Variants in NR3C1 observed in about 807,000 individuals in gnomAD.
The protein encoded by NR3C1 is nuclear receptor subfamily 3 group C member 1.
NR3C1 carries 14 observed loss-of-function variants against 74.0 expected under a neutral mutation model. The observed-to-expected ratio is 0.19, with a 90% CI of 0.12 to 0.30. The LOEUF is 0.30. NR3C1 is among the 10% of genes least tolerant of loss of function. The pLI is 1.00. For missense variants in NR3C1, 695 were observed against 909.8 expected, an observed-to-expected ratio of 0.76 and a Z score of 3.04; for synonymous variants, 308 against 332.5, an observed-to-expected ratio of 0.93 and a Z score of 0.80.
intron 2 of NR3C1, among the ~76,000 whole-genome samples, chr5:143,328,858 C>A (rs533704733): frequency 3.3e-5 from 5 of 152,184 alleles, no homozygotes; most frequent in Admixed American, 6.5e-5. Context: ...TCATTGTCCA[C>A]GTCACTATCA....
chr5:143,372,275 C>A (rs1297357281), intron 2 of NR3C1, among the ~76,000 whole-genome samples: 1 of 152,126 alleles, frequency 6.6e-6, no homozygotes, highest in East Asian at 1.9e-4. Context: ...TTTGACATAT[C>A]TGAATTGCCA....
intron 4 of NR3C1, among the ~76,000 whole-genome samples, chr5:143,305,864 A>G (rs1411844862): frequency 6.6e-6 from 1 of 152,210 alleles, no homozygotes; most frequent in South Asian, 2.1e-4. Context: ...AAACCTGTAC[A>G]TGTACCCCTA....
intron 2 of NR3C1, among the ~76,000 whole-genome samples, chr5:143,355,624 T>C (rs562252549): frequency 2.4e-4 from 37 of 152,270 alleles, no homozygotes; most frequent in African/African-American, 8.7e-4. Flanking sequence ...AACTCCCAAA[T>C]GTGATCCTAA....
At chr5:143,369,446 A>T (rs1490104251) in intron 2 of NR3C1, among the ~76,000 whole-genome samples, 1 of 152,254 alleles carries the variant, frequency 6.6e-6, no homozygotes, top group South Asian at 2.1e-4. Context: ...CACAACCTAA[A>T]AGACCATCAG....
At chr5:143,368,583 T>TA (rs1480362540) in intron 2 of NR3C1, among the ~76,000 whole-genome samples, 1 of 142,260 alleles carries the variant, frequency 7.0e-6, no homozygotes, top group Non-Finnish European at 1.6e-5. Flanking sequence ...AACTCAACAA[T>TA]AAAAAGACAA....
chr5:143,415,764 A>C (rs1388719935), intron 1 of NR3C1, among the ~76,000 whole-genome samples: 2 of 152,196 alleles, frequency 1.3e-5, no homozygotes, highest in South Asian at 2.1e-4. Flanking sequence ...TTATTATAGA[A>C]TTGAAATTTC....
At chr5:143,410,301 T>C (rs539809050) in intron 1 of NR3C1, among the ~76,000 whole-genome samples, 2 of 152,350 alleles carry the variant, frequency 1.3e-5, no homozygotes, top group Non-Finnish European at 2.9e-5. Context: ...TTGGTTCTTA[T>C]ATCTTCTTAT....
At chr5:143,424,069 T>TGGGGTGG (rs1554104660) in intron 1 of NR3C1, among the ~76,000 whole-genome samples, 32 of 28,632 alleles carry the variant, frequency 1.1e-3, no homozygotes, top group South Asian at 8.5e-3. Context: ...TTGTGGGGTG[T>TGGGGTGG]GGGGAGGGGG....
At chr5:143,414,298 C>T (rs760112090) in intron 1 of NR3C1, among the ~76,000 whole-genome samples, 8 of 152,218 alleles carry the variant, frequency 5.3e-5, no homozygotes, top group East Asian at 1.9e-4. Flanking sequence ...TGGGTATAGG[C>T]GGCTGCAGTG....
intron 1 of NR3C1, among the ~76,000 whole-genome samples, chr5:143,433,214 T>C (rs1303488925): frequency 1.3e-5 from 2 of 151,866 alleles, no homozygotes; most frequent in African/African-American, 4.8e-5. Flanking sequence ...GCTGATGATG[T>C]TACTAAGAAG....
chr5:143,282,086 G>A (rs764441556), intron 8 of NR3C1, 45 bp from the exon 9 acceptor site: 2 of 1,606,896 alleles, frequency 1.2e-6, no homozygotes, highest in Non-Finnish European at 1.7e-6. Context: ...AAATTGGTCA[G>A]TGGGAACATC....
rs192211133 is a variant in NR3C1 at position 143,349,156 on chromosome 5, G to A, written c.1185-34988C>T. On this transcript the variant is annotated intron_variant, in intron 2 of 8. Coordinates refer to ENST00000394464, the MANE Select transcript of NR3C1 (RefSeq NM_000176.3). ...TTTTTGTGGCGATTGTTAAACAGTG[G>A]TAGTATATTCTTTCTTAGTTGCTTT... 2.5e-3 allele frequency among the ~76,000 whole-genome samples: 374 copies of A among 152,258 alleles called. 1 individual carries two copies. The highest frequency in any genetic ancestry group is 4.2e-3 in the Non-Finnish European group (284 of 68,014).
rs753816173 is a variant in NR3C1 at position 143,314,103 on chromosome 5, G to T, written c.1250C>A (p.Pro417His). 1 of 1,613,864 alleles carries T rather than the reference G, an allele frequency of 6.2e-7. No homozygotes were observed. The highest frequency in any genetic ancestry group is 8.5e-7 in the Non-Finnish European group (1 of 1,179,784). Residue 417 changes from proline (P) to histidine (H), a missense_variant, in exon 3 of 9, where the codon CCT becomes CAT. Transcript: ENST00000394464. The part of the protein sequence containing the change: ...SSSSTATTGP[P>H]PKLCLVCSDE... ...AGAGCACACCAGGCAGAGTTTGGGAGGTGGTCCTGTTGTTGCTGTTGAGGA... is the reference window on the plus strand; with the variant it reads ...AGAGCACACCAGGCAGAGTTTGGGATGTGGTCCTGTTGTTGCTGTTGAGGA...
rs753869134 is a variant in NR3C1 at position 143,400,507 on chromosome 5, G to A, written c.333C>T (p.Ser111=). The A allele has an allele frequency of 1.2e-6, 2 of 1,614,100 alleles. No homozygotes were observed. The highest frequency in any genetic ancestry group is 1.7e-5 in the Admixed American group (1 of 60,008). The change falls in exon 2 of 9, where the codon AGC becomes AGT. Residue 111 remains serine (S), a synonymous_variant. Coordinates refer to ENST00000394464, the MANE Select transcript of NR3C1 (RefSeq NM_000176.3). Reference sequence around the variant, plus strand: ...TTAAGTCTGTTTCCCCCGAGGAAAGGCTGATTTGGCCCTGCTGTGGGAATC... The same window carrying A: ...TTAAGTCTGTTTCCCCCGAGGAAAGACTGATTTGGCCCTGCTGTGGGAATC... The part of the protein sequence containing the change: ...DLGFPQQGQI[S]LSSGETDLKL...
chr5:143,310,877 C>T lies in NR3C1; in HGVS notation c.1352-664G>A, dbSNP rs75320282. 2.1e-3 allele frequency among the ~76,000 whole-genome samples: 325 copies of T among 152,124 alleles called. 11 individuals are homozygous for T. In the East Asian group the frequency reaches 0.054, roughly 25 times the overall value. On this transcript the variant is annotated intron_variant, in intron 3 of 8. Coordinates refer to ENST00000394464, the MANE Select transcript of NR3C1 (RefSeq NM_000176.3). ...TTCACCATGTTGGCTAGGATTGTCTCGATCTCAGGACCTCGTGATCCACCC... is the reference window on the plus strand; with the variant it reads ...TTCACCATGTTGGCTAGGATTGTCTTGATCTCAGGACCTCGTGATCCACCC...
chr5:143,300,708 T>A lies in NR3C1; in HGVS notation c.1524A>T (p.Ser508=). Residue 508 remains serine, a synonymous_variant, in exon 5 of 9, where the codon TCA becomes TCT. Coordinates refer to ENST00000394464, the MANE Select transcript of NR3C1 (RefSeq NM_000176.3). This position sits in a 1 kb window ranked among gnomAD's most constrained non-coding sequence, Gnocchi z 5.2. ...TACCAGGATTTTCAGAGGTTTCTTG[T>A]GAGACTCCTGTAGTGGCCTGCTGAA... ...KGIQQATTGV[S]QETSENPGNK... The A allele has an allele frequency of 6.2e-7, 1 of 1,614,178 alleles. No homozygotes were observed. Among genetic ancestry groups the A allele is most frequent in the Non-Finnish European group, 8.5e-7 (1 of 1,179,994 alleles).
At chr5:143,356,756 A>T (rs370224903) in intron 2 of NR3C1, among the ~76,000 whole-genome samples, 1 of 152,200 alleles carries the variant, frequency 6.6e-6, no homozygotes, top group East Asian at 1.9e-4. Context: ...CTTCTTTATA[A>T]ACATATACTT....
At chr5:143,314,933 T>TGAA (rs755881249) in intron 2 of NR3C1, among the ~76,000 whole-genome samples, 3 of 152,210 alleles carry the variant, frequency 2.0e-5, no homozygotes, top group Non-Finnish European at 4.4e-5. Flanking sequence ...CTGTTTGGCT[T>TGAA]GAAGAAGAAG....
At chr5:143,310,635 A>G (rs1820703949) in intron 3 of NR3C1, among the ~76,000 whole-genome samples, 1 of 152,042 alleles carries the variant, frequency 6.6e-6, no homozygotes, top group African/African-American at 2.4e-5. Flanking sequence ...TGTTTTACAC[A>G]GTTTGATAGA....
Sources: gnomAD v4.1 joint callset for allele counts (sites outside exome capture counted in the v4.1 genomes callset) on GRCh38, gnomAD v4.1.1 for gene constraint, Gnocchi (gnomAD v3.1) non-coding constraint, MANE v1.5 for transcripts, NCBI Gene and HGNC (gene_info 2026-07-23, HGNC 2026-07-21) for gene names.